Variants in DGAT2L6 observed in about 807,000 individuals in gnomAD.
The protein encoded by DGAT2L6 is diacylglycerol O-acyltransferase 2-like protein 6.
A neutral mutation model predicts 25.5 loss-of-function variants in DGAT2L6; 22 were observed. That is an observed-to-expected ratio of 0.86 (90% CI 0.62 to 1.23). DGAT2L6 has a LOEUF of 1.23. Among genes scored for constraint, DGAT2L6 ranks in the 50% most tolerant of loss-of-function variants. DGAT2L6 has a pLI of 0.00. For missense variants in DGAT2L6, 287 were observed against 253.2 expected (o/e 1.13, Z -0.91); for synonymous variants, 100 against 94.7 (o/e 1.06, Z -0.32).
At position 70,204,369 on chromosome X, in the gene DGAT2L6, G is replaced by C; in HGVS notation, c.712G>C (p.Glu238Gln). The C allele has an allele frequency of 8.3e-7, 1 of 1,210,896 alleles. No individual in the cohort carries two copies. Among genetic ancestry groups the C allele is most frequent in the Non-Finnish European group, 1.1e-6 (1 of 895,227 alleles). Residue 238 changes from glutamate (E) to glutamine (Q), a missense_variant, in exon 6 of 7, where the codon GAG (glutamate) becomes CAG (glutamine). By Grantham distance (29) the Glu-to-Gln change is conservative (BLOSUM62 2). Coordinates refer to ENST00000333026, the MANE Select transcript of DGAT2L6 (RefSeq NM_198512.3). ...AGTTTTCAATCAGGAGACCTTCCCT[G>C]AGGGCACGTGGTTAAGGTTGTTCCA... ...NEVFNQETFP[E>Q]GTWLRLFQKT...
At chrX:70,181,837 CA>C (rs2085344153) in intron 1 of DGAT2L6, among the ~76,000 whole-genome samples, 3 of 111,625 alleles carry the variant, frequency 2.7e-5, no homozygotes, top group South Asian at 7.6e-4. Flanking sequence ...CGTGGAATGG[CA>C]AACAGGACAT....
chrX:70,204,470 C>T lies in DGAT2L6; in HGVS notation c.813C>T (p.Arg271=), dbSNP rs746570087. The change falls in exon 6 of 7, where the codon CGC becomes CGT. Residue 271 remains arginine (R), a synonymous_variant. Coordinates refer to ENST00000333026, the MANE Select transcript of DGAT2L6 (RefSeq NM_198512.3). ...FCTFHGRGFT[R]GSWGFLPFNR... ...CCTTCCATGGCCGGGGCTTCACTCG[C>T]GGATCCTGGGGCTTCCTGCCTTTCA... 1.4e-5 allele frequency: 17 copies of T among 1,211,373 alleles called. No individual in the cohort carries two copies. The highest frequency in any genetic ancestry group is 1.3e-4 in the Admixed American group (6 of 46,015).
intron 1 of DGAT2L6, among the ~76,000 whole-genome samples, chrX:70,187,155 G>A (rs1392525998): frequency 9.3e-6 from 1 of 107,878 alleles, no homozygotes; most frequent in Non-Finnish European, 1.9e-5. Flanking sequence ...GCAGGAAGAC[G>A]GATAGGAGAA....
rs781632348 is a variant in DGAT2L6, at chrX:70,201,990, C to T, written c.573C>T (p.Leu191=). Reference sequence around the variant, plus strand: ...TGGTGGGTGGAGCTGCTGAAGCTCTCTTGTGCCGACCAGGAGCCTCCACTC... The same window carrying T: ...TGGTGGGTGGAGCTGCTGAAGCTCTTTTGTGCCGACCAGGAGCCTCCACTC... ...VIVVGGAAEA[L]LCRPGASTLF... The change falls in exon 5 of 7, where the codon CTC becomes CTT. Residue 191 remains leucine, a synonymous_variant. Transcript: ENST00000333026. 1.3e-5 allele frequency: 16 copies of T among 1,207,739 alleles called. No homozygotes were observed. The highest frequency in any genetic ancestry group is 6.6e-5 in the Admixed American group (3 of 45,448).
intron 2 of DGAT2L6, 118 bp from the exon 3 acceptor site, chrX:70,199,694 G>T: frequency 9.7e-6 from 6 of 619,394 alleles, no homozygotes; most frequent in Non-Finnish European, 1.0e-5. Context: ...CAGTTCTGAG[G>T]TGTCAGAAGG....
intron 1 of DGAT2L6, among the ~76,000 whole-genome samples, chrX:70,197,153 C>A (rs960069105): frequency 9.0e-6 from 1 of 111,501 alleles, no homozygotes; most frequent in Non-Finnish European, 1.9e-5. Flanking sequence ...GGTGTCAAGG[C>A]CATAATACCT....
chrX:70,195,855 C>T (rs955172846), intron 1 of DGAT2L6, among the ~76,000 whole-genome samples: 2 of 111,675 alleles, frequency 1.8e-5, no homozygotes, highest in Non-Finnish European at 3.8e-5. Flanking sequence ...ATTTCAGTTA[C>T]AAAAAGAATA....
intron 1 of DGAT2L6, among the ~76,000 whole-genome samples, chrX:70,187,889 G>A (rs1199507): frequency 0.34 from 37,795 of 110,789 alleles, 5,299 homozygotes; most frequent in African/African-American, 0.53. Context: ...CAGTCTCTGG[G>A]GTAAGACAAT....
intron 1 of DGAT2L6, among the ~76,000 whole-genome samples, chrX:70,189,692 G>C (rs917024575): frequency 1.8e-5 from 2 of 111,748 alleles, no homozygotes; most frequent in Admixed American, 1.9e-4. Context: ...CGTTTTTCTT[G>C]CAAAATACAC....
At chrX:70,178,143 A>G (rs1602685552) in intron 1 of DGAT2L6, among the ~76,000 whole-genome samples, 1 of 92,349 alleles carries the variant, frequency 1.1e-5, no homozygotes, top group Non-Finnish European at 2.1e-5. Flanking sequence ...CTCAAGATGA[A>G]AAAAAAAAAA....
Position 70,205,282 on chromosome X carries a change from C to A in DGAT2L6, c.*176C>A. 1 of 547,582 alleles carries A rather than the reference C, an allele frequency of 1.8e-6. No individual in the cohort carries two copies. The highest frequency in any genetic ancestry group is 2.6e-6 in the Non-Finnish European group (1 of 390,118). The allele number at this position is 547,582 out of a possible 1,213,427, so 45.1% of individuals were successfully genotyped here. On this transcript the variant is annotated 3_prime_UTR_variant, in exon 7 of 7. Coordinates refer to ENST00000333026, the MANE Select transcript of DGAT2L6 (RefSeq NM_198512.3). ...AGCAATAGAGTCCTCTCCCAAGTGG[C>A]TGAGGCAGGCTTAGGGGAAAGAACC...
intron 1 of DGAT2L6, 147 bp from the exon 2 acceptor site, chrX:70,199,124 G>A (rs1395057055): frequency 9.7e-6 from 4 of 412,740 alleles, no homozygotes; most frequent in South Asian, 4.7e-5. Flanking sequence ...AATGGAGGGC[G>A]AGGGGTTGGG....
At chrX:70,188,888 T>G (rs1056799704) in intron 1 of DGAT2L6, among the ~76,000 whole-genome samples, 3 of 106,903 alleles carry the variant, frequency 2.8e-5, no homozygotes, top group Non-Finnish European at 5.8e-5. Context: ...ATCATATCAA[T>G]TGACAAACTT....
chrX:70,178,057 A>T (rs1466531715), intron 1 of DGAT2L6, among the ~76,000 whole-genome samples: 3 of 109,007 alleles, frequency 2.8e-5, no homozygotes, highest in African/African-American at 1.0e-4. Context: ...AATCACTTGA[A>T]CCCGGGAGGT....
chrX:70,191,482 A>G (rs1045336374), intron 1 of DGAT2L6, among the ~76,000 whole-genome samples: 8 of 111,879 alleles, frequency 7.2e-5, no homozygotes, highest in Non-Finnish European at 1.1e-4. Context: ...CAAAAAAAGA[A>G]AAAAAATGAA....
chrX:70,184,979 T>C (rs3849259), intron 1 of DGAT2L6, among the ~76,000 whole-genome samples: 18,095 of 110,784 alleles, frequency 0.16, 1,279 homozygotes, highest in South Asian at 0.32. Context: ...TCTTTGCCTA[T>C]AGTTTCTCTT....
chrX:70,190,900 C>G, intron 1 of DGAT2L6, among the ~76,000 whole-genome samples: 1 of 112,188 alleles, frequency 8.9e-6, no homozygotes, highest in Non-Finnish European at 1.9e-5. Flanking sequence ...GGAGGCAGGC[C>G]CGCAGGCCTC....
chrX:70,199,777 C>G (rs745993159), intron 2 of DGAT2L6, 35 bp from the exon 3 acceptor site: 4 of 1,186,926 alleles, frequency 3.4e-6, no homozygotes, highest in Non-Finnish European at 4.6e-6. Flanking sequence ...ACTGCAATGC[C>G]CTGTGTACTC....
chrX:70,196,496 A>AAAAAAAGAAAG (rs2085391818), intron 1 of DGAT2L6, among the ~76,000 whole-genome samples: 1 of 106,320 alleles, frequency 9.4e-6, no homozygotes, highest in African/African-American at 3.4e-5. Context: ...CAAAAAAAAA[A>AAAAAAAGAAAG]AAAAAAGAAA....
Sources: gnomAD v4.1 joint callset for allele counts (sites outside exome capture counted in the v4.1 genomes callset) on GRCh38, gnomAD v4.1.1 for gene constraint, MANE v1.5 for transcripts, NCBI Gene and HGNC (gene_info 2026-07-23, HGNC 2026-07-21) for gene names.